The following TMEM182 variants were observed in gnomAD, a reference collection of about 807,000 sequenced individuals.
TMEM182 encodes transmembrane protein 182.
A neutral mutation model predicts 26.8 loss-of-function variants in TMEM182; 20 were observed. The ratio of observed to expected loss-of-function variants is 0.75; its 90% CI spans 0.53 to 1.09. TMEM182 has a LOEUF of 1.09. Among genes scored for constraint, TMEM182 ranks in the 50% least tolerant of loss-of-function variants. The probability of loss-of-function intolerance (pLI) is 0.00; values close to 1 mark genes in which losing one functional copy is unlikely to be tolerated. For missense variants in TMEM182, 277 were observed against 275.5 expected, an observed-to-expected ratio of 1.01 and a Z score of -0.04; for synonymous variants, 109 against 102.2, an observed-to-expected ratio of 1.07 and a Z score of -0.40.
At position 102,742,188 on chromosome 2, in the gene TMEM182, TGAAA is replaced by T. The variant is rs200949764; in HGVS notation, c.-83+5179_-83+5182del. On this transcript the variant is annotated intron_variant, in intron 1 of 5. Transcript: ENST00000409173. Reference sequence around the variant, plus strand: ...ATAATGTAAGCAGAGAGATGAAAACTGAAAGAATCAAAAGAAAATTATAGAAATC... The same window carrying T: ...ATAATGTAAGCAGAGAGATGAAAACTGAATCAAAAGAAAATTATAGAAATC... 9.4e-3 allele frequency among the ~76,000 whole-genome samples: 1,429 copies of T among 152,164 alleles called. 21 individuals are homozygous for T. The highest frequency in any genetic ancestry group is 0.032 in the African/African-American group (1,332 of 41,508).
chr2:102,806,898 A>G (rs990732020), intron 4 of TMEM182, among the ~76,000 whole-genome samples: 3 of 152,218 alleles, frequency 2.0e-5, no homozygotes, highest in African/African-American at 7.2e-5. Flanking sequence ...GAACCAGGGC[A>G]GTCAGAATCC....
chr2:102,791,450 T>A (rs1681633888), intron 3 of TMEM182, among the ~76,000 whole-genome samples: 1 of 152,246 alleles, frequency 6.6e-6, no homozygotes, highest in African/African-American at 2.4e-5. Context: ...CTGTAAAAGT[T>A]TAATCTGTTT....
At position 102,762,796 on chromosome 2, in the gene TMEM182, C is replaced by T. The variant is rs1573502064; in HGVS notation, c.232+110C>T. On this transcript the variant is annotated intron_variant, in intron 2 of 4. Coordinates refer to ENST00000412401, the MANE Select transcript of TMEM182 (RefSeq NM_144632.5). ...GACTGGATTGTGAGTTACAAAATCT[C>T]AATTAGATGTCTTTAAAAGGTTCAT... is the stretch of plus-strand genomic sequence containing the variant. The T allele has an allele frequency of 5.1e-6, 4 of 783,310 alleles. No homozygotes were observed. In the South Asian group the frequency reaches 6.5e-5, roughly 13 times the overall value. The allele number at this position is 783,310 out of a possible 1,614,324, so 48.5% of individuals were successfully genotyped here.
Position 102,838,085 on chromosome 2 carries a change from T to C in TMEM182, c.326-5327T>C, listed in dbSNP as rs141764639. Among the ~76,000 whole-genome samples the C allele has an allele frequency of 1.3e-3, 193 of 152,364 alleles. 2 individuals are homozygous for C. In the East Asian group the frequency reaches 0.03, roughly 24 times the overall value. On this transcript the variant is annotated intron_variant, in intron 3 of 3. Coordinates refer to the TMEM182 transcript ENST00000486293. ...CCCTGCCCCAGCATCAGTGGATGATTGTTTATAAATTCATGAAGTCTTATT... is the reference window on the plus strand; with the variant it reads ...CCCTGCCCCAGCATCAGTGGATGATCGTTTATAAATTCATGAAGTCTTATT...
chr2:102,836,653 G>A (rs1215271921), intron 3 of TMEM182, among the ~76,000 whole-genome samples: 1 of 152,130 alleles, frequency 6.6e-6, no homozygotes, highest in Non-Finnish European at 1.5e-5. Flanking sequence ...GTGTTCAGAG[G>A]CGTTCTCAGT....
intron 3 of TMEM182, among the ~76,000 whole-genome samples, chr2:102,774,649 G>A (rs1006176339): frequency 2.0e-5 from 3 of 152,060 alleles, no homozygotes; most frequent in African/African-American, 7.2e-5. Context: ...TATAAGATGT[G>A]AGTCTCACTC....
chr2:102,791,198 A>T (rs1449354420), intron 3 of TMEM182, among the ~76,000 whole-genome samples: 2 of 152,184 alleles, frequency 1.3e-5, no homozygotes, highest in African/African-American at 4.8e-5. Flanking sequence ...GGCCTCCCAA[A>T]GTGCTGGGAT....
chr2:102,762,124 T>A lies in TMEM182; in HGVS notation c.-94T>A. 1 of 156,564 alleles carries A rather than the reference T, an allele frequency of 6.4e-6. No homozygotes were observed. Among genetic ancestry groups the A allele is most frequent in the Non-Finnish European group, 8.6e-6 (1 of 115,790 alleles). 9.7% of individuals were successfully genotyped at this position (156,564 alleles called of 1,614,324 possible). A position where few individuals can be genotyped will look rare whatever the true frequency, so the allele number is the denominator to read the frequency against. On this transcript the variant is annotated 5_prime_UTR_variant, in exon 1 of 5. Coordinates refer to ENST00000412401, the MANE Select transcript of TMEM182 (RefSeq NM_144632.5). The stretch of plus-strand genomic sequence containing the variant: ...TCTGCCAACTCAAAAATATTATTCT[T>A]TTTTTTTTTTTTTTGCTGTTGTTTC...
intron 3 of TMEM182, among the ~76,000 whole-genome samples, chr2:102,791,650 A>G (rs1015439754): frequency 1.3e-5 from 2 of 152,196 alleles, no homozygotes; most frequent in Admixed American, 1.3e-4. Context: ...ACAGATTCAC[A>G]TGTGCTTTCC....
chr2:102,810,344 A>G (rs559816803), intron 4 of TMEM182, among the ~76,000 whole-genome samples: 5 of 152,278 alleles, frequency 3.3e-5, no homozygotes, highest in African/African-American at 1.2e-4. Flanking sequence ...CAGTGAGGAT[A>G]TACAATTTTA....
chr2:102,814,662 G>A, intron 4 of TMEM182, 86 bp from the exon 5 acceptor site: 3 of 1,211,988 alleles, frequency 2.5e-6, no homozygotes, highest in Non-Finnish European at 3.4e-6. Context: ...GCAGGAGCTT[G>A]TCATCCGGTC....
At chr2:102,786,578 C>T (rs1341073655) in intron 3 of TMEM182, among the ~76,000 whole-genome samples, 1 of 152,092 alleles carries the variant, frequency 6.6e-6, no homozygotes, top group African/African-American at 2.4e-5. Flanking sequence ...TCTTCTTTTT[C>T]CAAGGCCTGC....
intron 3 of TMEM182, among the ~76,000 whole-genome samples, chr2:102,779,835 A>G (rs1481497241): frequency 6.6e-6 from 1 of 152,054 alleles, no homozygotes; most frequent in Non-Finnish European, 1.5e-5. Flanking sequence ...CCTCTCTACT[A>G]AAAATACAGA....
intron 4 of TMEM182, among the ~76,000 whole-genome samples, chr2:102,802,028 C>G (rs1452557280): frequency 6.6e-6 from 1 of 152,152 alleles, no homozygotes; most frequent in Admixed American, 6.5e-5. Flanking sequence ...CCATGCCAAC[C>G]CTGGGCCAGC....
chr2:102,778,785 T>C (rs1441534523), intron 3 of TMEM182, among the ~76,000 whole-genome samples: 1 of 152,130 alleles, frequency 6.6e-6, no homozygotes, highest in African/African-American at 2.4e-5. Flanking sequence ...CTTTACCCTC[T>C]AGCAATTATA....
intron 4 of TMEM182, among the ~76,000 whole-genome samples, chr2:102,809,214 G>A (rs1432242135): frequency 1.3e-5 from 2 of 152,274 alleles, no homozygotes; most frequent in African/African-American, 2.4e-5. Flanking sequence ...TGTATTTTCT[G>A]CAAAAGCCTT....
chr2:102,813,520 A>T (rs1426000715), intron 4 of TMEM182, among the ~76,000 whole-genome samples: 2 of 152,208 alleles, frequency 1.3e-5, no homozygotes, highest in Non-Finnish European at 2.9e-5. Flanking sequence ...ACAAATAACA[A>T]GTGCTCTCAA....
intron 3 of TMEM182, among the ~76,000 whole-genome samples, chr2:102,780,275 A>C (rs1299201188): frequency 6.6e-6 from 1 of 152,072 alleles, no homozygotes; most frequent in Non-Finnish European, 1.5e-5. Flanking sequence ...GCTTCCTTTC[A>C]TACTACCCCA....
At chr2:102,794,493 G>T (rs1681783560) in intron 3 of TMEM182, among the ~76,000 whole-genome samples, 1 of 152,200 alleles carries the variant, frequency 6.6e-6, no homozygotes. Context: ...GAACAGGTCT[G>T]TTGATAACAC....
Sources: allele counts gnomAD v4.1 joint callset (sites outside exome capture counted in the v4.1 genomes callset), GRCh38; gene constraint gnomAD v4.1.1; transcripts MANE v1.5; gene names NCBI Gene and HGNC (gene_info 2026-07-23, HGNC 2026-07-21).